The following ANKRD36B variants were observed in gnomAD, a reference collection of about 807,000 sequenced individuals.
ANKRD36B encodes ankyrin repeat domain 36B, also known as ankyrin repeat domain-containing protein 36B.
In ANKRD36B, 37 loss-of-function variants were observed where a neutral mutation model predicts 135.7. The observed-to-expected ratio is 0.27, with a 90% CI of 0.21 to 0.36. The LOEUF is 0.36. Among genes scored for constraint, ANKRD36B ranks in the 10% least tolerant of loss-of-function variants. The pLI is 1.00. For missense variants in ANKRD36B, 549 were observed against 1,037.1 expected (o/e 0.53, Z 6.46); for synonymous variants, 179 against 348.1 (o/e 0.51, Z 5.41).
intron 22 of ANKRD36B, chr2:97,547,166 T>A (rs530192033): frequency 4.9e-6 from 1 of 203,100 alleles, no homozygotes; most frequent in South Asian, 8.8e-5. Flanking sequence ...AAGCTTTCTG[T>A]CTTTTCTTGG....
Position 97,536,587 on chromosome 2 carries a change from G to A in ANKRD36B, c.2090-91C>T, listed in dbSNP as rs940167065. The A allele has an allele frequency of 5.5e-6, 3 of 543,440 alleles. 1 individual carries two copies. The African/African-American group carries it at 6.2e-5, about 11-fold the overall frequency. 33.7% of individuals were successfully genotyped at this position (543,440 alleles called of 1,614,324 possible). ...TGTTAGCATCAAACTGAATACTCTT[G>A]CCTGTATTAGTGTAGGGTTTCATGT... On this transcript the variant is annotated intron_variant, in intron 32 of 43. Coordinates refer to ENST00000359901, the MANE Select transcript of ANKRD36B (RefSeq NM_001393939.1).
chr2:97,543,177 C>T (rs2079235930), intron 26 of ANKRD36B, among the ~76,000 whole-genome samples: 1 of 151,778 alleles, frequency 6.6e-6, no homozygotes, highest in Middle Eastern at 3.2e-3. Context: ...TTATCTCCTG[C>T]ACCCAGTAGT....
chr2:97,535,404 A>T (rs2078818234), intron 34 of ANKRD36B, among the ~76,000 whole-genome samples: 1 of 106,536 alleles, frequency 9.4e-6, no homozygotes, highest in Non-Finnish European at 2.5e-5. Context: ...TACACATTGT[A>T]TGCCTGTATC....
At chr2:97,562,472 C>T (rs1049889068) in intron 6 of ANKRD36B, among the ~76,000 whole-genome samples, 2 of 151,864 alleles carry the variant, frequency 1.3e-5, no homozygotes, top group Non-Finnish European at 2.9e-5. Context: ...CATTGATGTC[C>T]AAAACTTCTA....
At chr2:97,525,846 G>T (rs1302275009) in intron 35 of ANKRD36B, among the ~76,000 whole-genome samples, 1 of 98,082 alleles carries the variant, frequency 1.0e-5, no homozygotes, top group Admixed American at 8.9e-5. Context: ...CAGTGAGGCT[G>T]GGGGAGGGGC....
At chr2:97,577,996 G>T (rs1488808382) in intron 5 of ANKRD36B, among the ~76,000 whole-genome samples, 1 of 151,740 alleles carries the variant, frequency 6.6e-6, no homozygotes, top group Non-Finnish European at 1.5e-5. Flanking sequence ...ATCTCTGACA[G>T]TTTAGAACTA....
At chr2:97,539,766 T>C (rs1461760065) in intron 30 of ANKRD36B, 1 of 200,642 alleles carries the variant, frequency 5.0e-6, no homozygotes, top group African/African-American at 2.7e-5. Flanking sequence ...AAAATTATGC[T>C]GTCCCCTGAG....
intron 16 of ANKRD36B, among the ~76,000 whole-genome samples, chr2:97,551,846 CAT>C (rs1181441310): frequency 3.9e-5 from 6 of 152,082 alleles, no homozygotes; most frequent in East Asian, 2.0e-4. Flanking sequence ...CATGATCCCA[CAT>C]GTCTTTCATG....
At chr2:97,534,252 C>A (rs1481567030) in intron 34 of ANKRD36B, among the ~76,000 whole-genome samples, 1 of 94,518 alleles carries the variant, frequency 1.1e-5, no homozygotes, top group East Asian at 2.3e-4. Flanking sequence ...ATTTGATATA[C>A]CATGCTAATC....
At chr2:97,575,593 T>C (rs937694541) in intron 6 of ANKRD36B, among the ~76,000 whole-genome samples, 20 of 147,046 alleles carry the variant, frequency 1.4e-4, no homozygotes, top group Non-Finnish European at 2.7e-4. Flanking sequence ...CAAATAAATA[T>C]GTTTATATTT....
intron 1 of ANKRD36B, among the ~76,000 whole-genome samples, chr2:97,585,970 A>C (rs1255104795): frequency 6.6e-6 from 1 of 152,232 alleles, no homozygotes; most frequent in Non-Finnish European, 1.5e-5. Flanking sequence ...TGACATTGGA[A>C]AACTGTTTAC....
At chr2:97,550,041 C>T (rs2079896134) in intron 18 of ANKRD36B, among the ~76,000 whole-genome samples, 1 of 151,676 alleles carries the variant, frequency 6.6e-6, no homozygotes, top group Non-Finnish European at 1.5e-5. Flanking sequence ...ATTCATCATG[C>T]TCTTTAAATT....
chr2:97,570,367 T>C (rs2081760827), intron 6 of ANKRD36B, among the ~76,000 whole-genome samples: 1 of 152,222 alleles, frequency 6.6e-6, no homozygotes, highest in Admixed American at 6.5e-5. Context: ...AAGGCCTACA[T>C]GCAAAACTGG....
rs752525685 is a variant in ANKRD36B, at chr2:97,549,423, C to T, written c.1473G>A (p.Arg491=). The change falls in exon 20 of 44, where the codon AGG becomes AGA. Residue 491 remains arginine (R), a synonymous_variant. Transcript: ENST00000359901. ...AREKKDGEKS[R]TVSFEQPPGL... ...TAAATCTGTTTTCAAAATTACCTGTCCTAGATTTTTCTCCATCCTTTTTTT... is the reference window on the plus strand; with the variant it reads ...TAAATCTGTTTTCAAAATTACCTGTTCTAGATTTTTCTCCATCCTTTTTTT... 2.6e-5 allele frequency: 40 copies of T among 1,561,862 alleles called. 1 individual carries two copies. Among genetic ancestry groups the T allele is most frequent in the Non-Finnish European group, 2.9e-5 (34 of 1,153,664 alleles).
At chr2:97,562,861 C>T (rs577932214) in intron 6 of ANKRD36B, among the ~76,000 whole-genome samples, 14 of 152,044 alleles carry the variant, frequency 9.2e-5, no homozygotes, top group Non-Finnish European at 1.9e-4. Context: ...GGCCTCCTCT[C>T]TCCCATAGAC....
intron 3 of ANKRD36B, 45 bp from the exon 4 acceptor site, chr2:97,580,613 TATCAACTGAA>T (rs1458967995): frequency 6.7e-7 from 1 of 1,502,788 alleles, no homozygotes; most frequent in African/African-American, 1.4e-5. Context: ...ATTACATATT[TATCAACTGAA>T]ATGAAAACCT....
intron 1 of ANKRD36B, among the ~76,000 whole-genome samples, chr2:97,585,765 A>G (rs2082936551): frequency 6.6e-6 from 1 of 152,216 alleles, no homozygotes; most frequent in Non-Finnish European, 1.5e-5. Context: ...TAACACAAAT[A>G]ACAGCTCAAT....
At chr2:97,494,435 G>C (rs1398910441) in intron 43 of ANKRD36B, among the ~76,000 whole-genome samples, 2 of 106,640 alleles carry the variant, frequency 1.9e-5, no homozygotes, top group Admixed American at 1.7e-4. Context: ...AGGAAGAGAG[G>C]GGAGAGGTGC....
At chr2:97,555,811 T>C (rs2080471585) in intron 12 of ANKRD36B, among the ~76,000 whole-genome samples, 1 of 151,922 alleles carries the variant, frequency 6.6e-6, no homozygotes, top group Non-Finnish European at 1.5e-5. Flanking sequence ...TAGTAGATAG[T>C]ATTCATTATT....
Sources: allele counts gnomAD v4.1 joint callset (sites outside exome capture counted in the v4.1 genomes callset), GRCh38; gene constraint gnomAD v4.1.1; transcripts MANE v1.5; gene names NCBI Gene and HGNC (gene_info 2026-07-23, HGNC 2026-07-21).